Variants in ITGAM observed in about 807,000 individuals in gnomAD.
The protein encoded by ITGAM is integrin alpha-M.
A neutral mutation model predicts 137.5 loss-of-function variants in ITGAM; 79 were observed. The observed-to-expected ratio is 0.57, with a 90% confidence interval of 0.48 to 0.69. The LOEUF is 0.69. Ranked by LOEUF, ITGAM falls within the 30% of genes least tolerant of loss-of-function variation. The probability of loss-of-function intolerance (pLI) is 0.00; values close to 1 mark genes in which losing one functional copy is unlikely to be tolerated. For missense variants in ITGAM, 1,343 were observed against 1,483.5 expected, an observed-to-expected ratio of 0.91 and a Z score of 1.56; for synonymous variants, 583 against 592.3, an observed-to-expected ratio of 0.98 and a Z score of 0.23.
In ITGAM at chr16:31,321,520, C is replaced by T. The variant is rs1164567661; in HGVS notation, c.1895C>T (p.Ala632Val). The T allele has an allele frequency of 3.7e-6, 6 of 1,613,932 alleles. No homozygotes were observed. Among genetic ancestry groups the T allele is most frequent in the Non-Finnish European group, 5.1e-6 (6 of 1,179,888 alleles). Residue 632 changes from alanine (A) to valine (V), a missense_variant, in exon 16 of 30, where the codon GCA becomes GTA. Physicochemically the swap from Ala to Val is moderately conservative, Grantham distance 64 (BLOSUM62 0). Transcript: ENST00000544665. Reference sequence around the variant, plus strand: ...ATGGAGTTCAATCCCAGGGAAGTGGCAAGGAATGTATTTGAGTGTAATGAT... The same window carrying T: ...ATGGAGTTCAATCCCAGGGAAGTGGTAAGGAATGTATTTGAGTGTAATGAT... Reference protein sequence around the residue: ...AIMEFNPREVARNVFECNDQV... With the variant: ...AIMEFNPREVVRNVFECNDQV...
chr16:31,271,498 G>A (rs9934269), intron 6 of ITGAM, among the ~76,000 whole-genome samples: 6,558 of 152,236 alleles, frequency 0.043, 468 homozygotes, highest in African/African-American at 0.15. Flanking sequence ...GATTACAGGC[G>A]CATGCCACCA....
At chr16:31,265,930 C>A in intron 4 of ITGAM, 49 bp downstream of exon 4, 2 of 1,599,704 alleles carry the variant, frequency 1.3e-6, no homozygotes, top group African/African-American at 1.3e-5. Flanking sequence ...TGTTTGGGGG[C>A]CCACGCATGG....
At position 31,297,738 on chromosome 16, in the gene ITGAM, T is replaced by C. The variant is rs2080150977; in HGVS notation, c.1498-7T>C. On this transcript the variant is annotated splice_polypyrimidine_tract_variant and splice_region_variant and intron_variant, in intron 13 of 29. Transcript: ENST00000544665. ...GGTTGGGGCCTGATACTGTTTGTGT[T>C]TAGCAGAGGGCTCGGTGGCAGTGTG... The C allele has an allele frequency of 6.3e-7, 1 of 1,595,282 alleles. No individual in the cohort carries two copies. Among genetic ancestry groups the C allele is most frequent in the Non-Finnish European group, 8.5e-7 (1 of 1,172,644 alleles).
chr16:31,309,932 G>A (rs1032947553), intron 14 of ITGAM, among the ~76,000 whole-genome samples: 16 of 152,144 alleles, frequency 1.1e-4, no homozygotes, highest in Middle Eastern at 6.8e-3. Context: ...GGCTGGATAT[G>A]AAATTCTGGG....
At position 31,271,984 on chromosome 16, in the gene ITGAM, C is replaced by G; in HGVS notation, c.696C>G (p.Arg232=). 6.2e-7 allele frequency: 1 copy of G among 1,613,964 alleles called. No individual in the cohort carries two copies. The highest frequency in any genetic ancestry group is 8.5e-7 in the Non-Finnish European group (1 of 1,179,872). ...GGACACACACGGCCACGGGCATCCG[C>G]AAAGTGGTGTAAGCTTCCCCTTTTC... is the stretch of plus-strand genomic sequence containing the variant. The part of the protein sequence containing the change: ...LGRTHTATGI[R]KVVRELFNIT... The change falls in exon 7 of 30, where the codon CGC becomes CGG. Residue 232 remains arginine, a synonymous_variant. Coordinates refer to ENST00000544665, the MANE Select transcript of ITGAM (RefSeq NM_000632.4).
In ITGAM at chr16:31,273,537, A is replaced by G; in HGVS notation, c.858+19A>G. The G allele has an allele frequency of 6.2e-7, 1 of 1,611,962 alleles. No homozygotes were observed. Among genetic ancestry groups the G allele is most frequent in the Non-Finnish European group, 8.5e-7 (1 of 1,178,534 alleles). On this transcript the variant is annotated intron_variant, in intron 8 of 29. Coordinates refer to ENST00000544665, the MANE Select transcript of ITGAM (RefSeq NM_000632.4). ...CATTGGGGTAGGGAATGCAGCTCTC[A>G]GGTTGATGCTTCTGTGGAGGGTTTC...
At chr16:31,331,357 G>A (rs2080580645) in intron 29 of ITGAM, 82 bp downstream of exon 29, 1 of 854,454 alleles carries the variant, frequency 1.2e-6, no homozygotes, top group Non-Finnish European at 1.9e-6. Context: ...TTCCCCGGCG[G>A]GGCTGCCAGC....
At chr16:31,303,284 C>T (rs1450684687) in intron 14 of ITGAM, among the ~76,000 whole-genome samples, 2 of 152,012 alleles carry the variant, frequency 1.3e-5, no homozygotes, top group East Asian at 3.9e-4. Flanking sequence ...GCCTTGGCCT[C>T]TCAAAGTGTT....
intron 12 of ITGAM, among the ~76,000 whole-genome samples, chr16:31,289,223 A>G (rs1567260466): frequency 6.6e-6 from 1 of 152,176 alleles, no homozygotes; most frequent in Non-Finnish European, 1.5e-5. Context: ...TAGAACTAGA[A>G]ATACCATTTG....
chr16:31,321,698 G>A, intron 16 of ITGAM, 71 bp downstream of exon 16: 1 of 1,497,324 alleles, frequency 6.7e-7, no homozygotes, highest in Non-Finnish European at 9.1e-7. Context: ...AATCCACTCT[G>A]CCCAGCCTTC....
At chr16:31,288,230 G>A (rs983357176) in intron 12 of ITGAM, among the ~76,000 whole-genome samples, 7 of 151,982 alleles carry the variant, frequency 4.6e-5, no homozygotes, top group African/African-American at 1.7e-4. Context: ...AAGAAGGGTA[G>A]GTGTGGCTTA....
chr16:31,272,535 A>G (rs11861799), intron 7 of ITGAM, among the ~76,000 whole-genome samples: 4,652 of 112,128 alleles, frequency 0.041, 299 homozygotes, highest in African/African-American at 0.15. Flanking sequence ...CCAGGCTGGA[A>G]TGCAGTGGCC....
intron 12 of ITGAM, among the ~76,000 whole-genome samples, chr16:31,290,448 G>C (rs1367473114): frequency 2.0e-5 from 3 of 152,068 alleles, no homozygotes; most frequent in Non-Finnish European, 2.9e-5. Context: ...AAAACAATGT[G>C]ATTCACCATA....
Position 31,266,258 on chromosome 16 carries a change from G to T in ITGAM, c.427+111G>T, listed in dbSNP as rs74645754. On this transcript the variant is annotated intron_variant, in intron 5 of 29. Coordinates refer to ENST00000544665, the MANE Select transcript of ITGAM (RefSeq NM_000632.4). Reference sequence around the variant, plus strand: ...GGGCTCTGGGTGCAGAAGAGTGGGGGAACTGGGTCCCATTAGAGTCAGAAG... The same window carrying T: ...GGGCTCTGGGTGCAGAAGAGTGGGGTAACTGGGTCCCATTAGAGTCAGAAG... 130 of 724,860 alleles carry T rather than the reference G, an allele frequency of 1.8e-4. 1 individual carries two copies. The highest frequency in any genetic ancestry group is 1.3e-3 in the Middle Eastern group (5 of 3,930). 44.9% of individuals were successfully genotyped at this position (724,860 alleles called of 1,614,324 possible). A position where few individuals can be genotyped will look rare whatever the true frequency, so the allele number is the denominator to read the frequency against.
intron 14 of ITGAM, among the ~76,000 whole-genome samples, chr16:31,299,564 C>T (rs1161905669): frequency 6.6e-6 from 1 of 152,124 alleles, no homozygotes; most frequent in African/African-American, 2.4e-5. Context: ...CTGCCTTGGC[C>T]TCCCAAAGTG....
intron 14 of ITGAM, among the ~76,000 whole-genome samples, chr16:31,307,071 C>T (rs1264196540): frequency 6.6e-6 from 1 of 152,152 alleles, no homozygotes; most frequent in Non-Finnish European, 1.5e-5. Context: ...GGTTTGAAGT[C>T]AGGTAGCGTG....
At chr16:31,314,063 T>G (rs1315862492) in intron 14 of ITGAM, among the ~76,000 whole-genome samples, 3 of 152,188 alleles carry the variant, frequency 2.0e-5, no homozygotes, top group East Asian at 3.8e-4. Context: ...TTTGCCCATT[T>G]TTTGATGGGG....
rs775920921 is a variant in ITGAM, at chr16:31,321,227, T to C, written c.1708-14T>C. On this transcript the variant is annotated splice_polypyrimidine_tract_variant and intron_variant, in intron 14 of 29. Transcript: ENST00000544665. ...CTACCCCTTTCTCTCTCCACACCTC[T>C]TTTTTACCCTCAGCGGATAGCAGGC... The C allele has an allele frequency of 3.1e-6, 5 of 1,613,306 alleles. No individual in the cohort carries two copies. Among genetic ancestry groups the C allele is most frequent in the Non-Finnish European group, 3.4e-6 (4 of 1,179,650 alleles).
intron 14 of ITGAM, among the ~76,000 whole-genome samples, chr16:31,302,979 TCTTTCTTTCTTTCTTTC>T (rs1186570520): frequency 1.7e-4 from 22 of 129,402 alleles, no homozygotes; most frequent in Admixed American, 3.2e-4. Flanking sequence ...TTTCTTTCTT[TCTTTCTTTCTTTCTTTC>T]TTTTTCTTTC....
Sources: gnomAD v4.1 joint callset for allele counts (sites outside exome capture counted in the v4.1 genomes callset) on GRCh38, gnomAD v4.1.1 for gene constraint, MANE v1.5 for transcripts, NCBI Gene and HGNC (gene_info 2026-07-23, HGNC 2026-07-21) for gene names.